The following TRAF5 variants were observed in gnomAD, a reference collection of about 807,000 sequenced individuals.
TRAF5 encodes the protein TNF receptor associated factor 5, also known as TNF receptor-associated factor 5.
Under a neutral mutation model 64.5 loss-of-function variants are expected in TRAF5, and 48 were observed. That is an observed-to-expected ratio of 0.74 (90% CI 0.59 to 0.95). The LOEUF is 0.95. Ranked by LOEUF, TRAF5 falls within the 40% of genes least tolerant of loss-of-function variation. The pLI, the probability that TRAF5 is intolerant of heterozygous loss-of-function variation, is 0.00. For missense variants in TRAF5, 545 were observed against 662.8 expected (o/e 0.82, Z 1.95); for synonymous variants, 206 against 240.5 (o/e 0.86, Z 1.33).
At chr1:211,343,546 G>A (rs191804280) in intron 1 of TRAF5, among the ~76,000 whole-genome samples, 63 of 152,110 alleles carry the variant, frequency 4.1e-4, no homozygotes, top group Admixed American at 3.7e-3. Flanking sequence ...CTCAGCCTCC[G>A]GAATGGCTGG....
chr1:211,347,688 G>A (rs2102733615), intron 1 of TRAF5, among the ~76,000 whole-genome samples: 1 of 152,336 alleles, frequency 6.6e-6, no homozygotes, highest in South Asian at 2.1e-4. Context: ...CACATGTGCT[G>A]TGTCTGCCAG....
chr1:211,343,257 A>G (rs1702495621), intron 1 of TRAF5, among the ~76,000 whole-genome samples: 1 of 152,070 alleles, frequency 6.6e-6, no homozygotes, highest in Non-Finnish European at 1.5e-5. Context: ...GAATCCAGGC[A>G]AGTCTACTCC....
In TRAF5 at chr1:211,345,174, C is replaced by T. The variant is rs143704705; in HGVS notation, c.-1-8065C>T. Among the ~76,000 whole-genome samples the T allele has an allele frequency of 9.0e-3, 1,377 of 152,270 alleles. 10 individuals are homozygous for T. Among genetic ancestry groups the T allele is most frequent in the Non-Finnish European group, 0.015 (990 of 68,012 alleles). ...TCAGGTGATCTACCCACCTCGGCCT[C>T]CCAGAGTGCTGGGATTACAAGCATG... On this transcript the variant is annotated intron_variant, in intron 1 of 10. Coordinates refer to ENST00000261464, the MANE Select transcript of TRAF5 (RefSeq NM_001033910.3).
At chr1:211,356,796 G>A (rs1702983974) in intron 4 of TRAF5, 1 of 203,814 alleles carries the variant, frequency 4.9e-6, no homozygotes, top group Non-Finnish European at 1.0e-5. Flanking sequence ...CCATTTTGGG[G>A]GAACTGTGTG....
chr1:211,331,716 A>G (rs936937394), intron 1 of TRAF5, among the ~76,000 whole-genome samples: 1 of 151,292 alleles, frequency 6.6e-6, no homozygotes, highest in Admixed American at 6.6e-5. Flanking sequence ...CCCAGGCTGT[A>G]GTGCAGTGGC....
intron 3 of TRAF5, among the ~76,000 whole-genome samples, chr1:211,356,110 C>T (rs969545375): frequency 6.6e-6 from 1 of 152,212 alleles, no homozygotes; most frequent in Non-Finnish European, 1.5e-5. Context: ...GTCAGGTTCA[C>T]CATGAGTTTC....
Position 211,365,468 on chromosome 1 carries a change from G to C in TRAF5, c.789G>C (p.Gln263His). ...AAAAGAATGTCCAATTAGAAGAACA[G>C]GTAAATCTTCAAAGGTTCAAATAAA... Reference protein sequence around the residue: ...VLEKNVQLEEQISDLHKSLEQ... With the variant: ...VLEKNVQLEEHISDLHKSLEQ... Residue 263 changes from glutamine to histidine, a missense_variant and splice_region_variant, in exon 8 of 11, where the codon CAG becomes CAC. Physicochemically the swap from Gln to His is conservative, Grantham distance 24. Coordinates refer to ENST00000261464, the MANE Select transcript of TRAF5 (RefSeq NM_001033910.3). 6.2e-7 allele frequency: 1 copy of C among 1,610,796 alleles called. No homozygotes were observed. The highest frequency in any genetic ancestry group is 8.5e-7 in the Non-Finnish European group (1 of 1,177,834).
At chr1:211,336,894 A>G (rs1483787162) in intron 1 of TRAF5, among the ~76,000 whole-genome samples, 2 of 152,220 alleles carry the variant, frequency 1.3e-5, no homozygotes, top group African/African-American at 4.8e-5. Flanking sequence ...CCAGACCTCA[A>G]CTGATCCGCT....
intron 1 of TRAF5, among the ~76,000 whole-genome samples, chr1:211,342,480 T>A (rs975500501): frequency 6.6e-6 from 1 of 152,190 alleles, no homozygotes; most frequent in African/African-American, 2.4e-5. Flanking sequence ...TATCATTTCT[T>A]TGTGTTACAA....
intron 1 of TRAF5, among the ~76,000 whole-genome samples, chr1:211,346,832 C>G (rs1010960242): frequency 2.0e-5 from 3 of 152,234 alleles, no homozygotes; most frequent in African/African-American, 4.8e-5. Context: ...GTGGCATCCA[C>G]AGCTTTCCTT....
chr1:211,361,235 T>C, intron 7 of TRAF5, 73 bp downstream of exon 7: 1 of 1,358,048 alleles, frequency 7.4e-7, no homozygotes, highest in Non-Finnish European at 1.1e-6. Context: ...GTTTACTCTC[T>C]GTTCCATCGA....
Position 211,372,582 on chromosome 1 carries a change from A to G in TRAF5, c.1554A>G (p.Ala518=), listed in dbSNP as rs145342244. 1.2e-6 allele frequency: 2 copies of G among 1,614,190 alleles called. No individual in the cohort carries two copies. The highest frequency in any genetic ancestry group is 2.7e-5 in the African/African-American group (2 of 75,044). The change falls in exon 11 of 11, where the codon GCA becomes GCG. Residue 518 remains alanine (A), a synonymous_variant. Transcript: ENST00000261464. ...GACCTGATGGGGAGATGAACATTGC[A>G]TCTGGCTGTCCCCGCTTTGTGGCTC... ...FKRPDGEMNI[A]SGCPRFVAHS...
chr1:211,370,403 A>T, intron 9 of TRAF5, among the ~76,000 whole-genome samples: 1 of 151,708 alleles, frequency 6.6e-6, no homozygotes, highest in East Asian at 1.9e-4. Context: ...ACACACACAC[A>T]CACACACACC....
chr1:211,334,576 T>C (rs1255878760), intron 1 of TRAF5, among the ~76,000 whole-genome samples: 1 of 152,168 alleles, frequency 6.6e-6, no homozygotes, highest in Non-Finnish European at 1.5e-5. Context: ...GAGAATCACT[T>C]GAACCCAGGA....
chr1:211,336,644 T>C (rs1702300835), intron 1 of TRAF5, among the ~76,000 whole-genome samples: 2 of 152,228 alleles, frequency 1.3e-5, no homozygotes, highest in South Asian at 2.1e-4. Context: ...TCATGTGCAC[T>C]GTTTTGTTTG....
At chr1:211,332,021 A>C (rs1224131809) in intron 1 of TRAF5, among the ~76,000 whole-genome samples, 1 of 152,138 alleles carries the variant, frequency 6.6e-6, no homozygotes, top group Non-Finnish European at 1.5e-5. Flanking sequence ...TCTCTGGACC[A>C]GGTAGACCTC....
At chr1:211,348,960 G>T (rs186318493) in intron 1 of TRAF5, among the ~76,000 whole-genome samples, 6 of 151,106 alleles carry the variant, frequency 4.0e-5, no homozygotes, top group Admixed American at 4.0e-4. Context: ...ATTGCTTTGG[G>T]AGGCTGAGCT....
rs1702799281 is a variant in TRAF5 at position 211,351,978 on chromosome 1, T to C, written c.-1-1261T>C. ...GGCTCCACAGGTTTTAACAGTGTTATCTTAGGCCAGGTGTGGTGGCTTACC... is the reference window on the plus strand; with the variant it reads ...GGCTCCACAGGTTTTAACAGTGTTACCTTAGGCCAGGTGTGGTGGCTTACC... On this transcript the variant is annotated intron_variant, in intron 1 of 10. Transcript: ENST00000261464. Among the ~76,000 whole-genome samples the C allele has an allele frequency of 2.0e-5, 3 of 152,162 alleles. No homozygotes were observed. The South Asian group carries it at 6.2e-4, about 32-fold the overall frequency.
rs2102734074 is a variant in TRAF5, at chr1:211,347,998, T to A, written c.-1-5241T>A. On this transcript the variant is annotated intron_variant, in intron 1 of 10. Coordinates refer to ENST00000261464, the MANE Select transcript of TRAF5 (RefSeq NM_001033910.3). ...GTTGAGCAGATTATTAAATGTTTACTAGCACAGCACTGCTTGGGGCTCCCT... is the reference window on the plus strand; with the variant it reads ...GTTGAGCAGATTATTAAATGTTTACAAGCACAGCACTGCTTGGGGCTCCCT... Among the ~76,000 whole-genome samples the A allele has an allele frequency of 1.3e-5, 2 of 152,374 alleles. 1 individual carries two copies. The highest frequency in any genetic ancestry group is 3.9e-4 in the East Asian group (2 of 5,182).
Sources: gnomAD v4.1 joint callset for allele counts (sites outside exome capture counted in the v4.1 genomes callset) on GRCh38, gnomAD v4.1.1 for gene constraint, MANE v1.5 for transcripts, NCBI Gene and HGNC (gene_info 2026-07-23, HGNC 2026-07-21) for gene names.